Variants in MAVS observed in about 807,000 individuals in gnomAD.
MAVS encodes the protein mitochondrial antiviral-signaling protein.
In MAVS, 20 loss-of-function variants were observed where a neutral mutation model predicts 30.2. That is an observed-to-expected ratio of 0.66 (90% CI 0.47 to 0.96). MAVS has a LOEUF of 0.96. Ranked by LOEUF, MAVS falls within the 40% of genes least tolerant of loss-of-function variation. The pLI is 0.00. For missense variants in MAVS, 624 were observed against 701.1 expected (o/e 0.89, Z 1.24); for synonymous variants, 278 against 293.9 (o/e 0.95, Z 0.55).
In MAVS at chr20:3,869,270, T is replaced by C. The variant is rs2089934915; in HGVS notation, c.*3123T>C. ...TCACTGCGACCTCCACCTCCTGGGT[T>C]CAGGCCATTCTCCCGCCTCAGCCTC... On this transcript the variant is annotated 3_prime_UTR_variant, in exon 7 of 7. Coordinates refer to ENST00000428216, the MANE Select transcript of MAVS (RefSeq NM_020746.5). 1 of 152,010 alleles carries C rather than the reference T, an allele frequency of 6.6e-6. No homozygotes were observed. The allele number at this position is 152,010 out of a possible 1,614,324, so 9.4% of individuals were successfully genotyped here. A position where few individuals can be genotyped will look rare whatever the true frequency, so the allele number is the denominator to read the frequency against.
At chr20:3,859,449 A>G (rs2089844556) in intron 3 of MAVS, among the ~76,000 whole-genome samples, 1 of 150,752 alleles carries the variant, frequency 6.6e-6, no homozygotes, top group Admixed American at 6.6e-5. Context: ...TGGAGGTTGC[A>G]GTGAGCCGAG....
At chr20:3,854,891 C>CTTTTTTTTT (rs61256246) in intron 2 of MAVS, 150 bp downstream of exon 2, 6 of 304,148 alleles carry the variant, frequency 2.0e-5, no homozygotes, top group Admixed American at 6.1e-5. Flanking sequence ...TGCTGCTTTT[C>CTTTTTTTTT]TTTTTTTTTT....
At position 3,865,658 on chromosome 20, in the gene MAVS, T is replaced by A; in HGVS notation, c.1159-25T>A. 6.4e-7 allele frequency: 1 copy of A among 1,574,196 alleles called. No individual in the cohort carries two copies. On this transcript the variant is annotated intron_variant, in intron 6 of 6. Coordinates refer to ENST00000428216, the MANE Select transcript of MAVS (RefSeq NM_020746.5). The surrounding 1 kb of genome is among the most constrained non-coding windows in gnomAD (Gnocchi z 4.7). ...CGTCTCCCTGCCAACCCCAGTCCCT[T>A]CCAGTGCTCTCCTTTCTTTCCCAGG...
chr20:3,858,463 A>G (rs1212564103), intron 3 of MAVS, among the ~76,000 whole-genome samples: 1 of 151,948 alleles, frequency 6.6e-6, no homozygotes, highest in Non-Finnish European at 1.5e-5. Flanking sequence ...GCGGATCATG[A>G]GGTCAGGAGA....
Position 3,867,037 on chromosome 20 carries a change from A to G in MAVS, c.*890A>G. On this transcript the variant is annotated 3_prime_UTR_variant, in exon 7 of 7. Transcript: ENST00000428216. ...TGGGTTCTTCTGAGATTGAACCTACAGGTGTTTGCCAAGTGCCTGGCCCAG... is the reference window on the plus strand; with the variant it reads ...TGGGTTCTTCTGAGATTGAACCTACGGGTGTTTGCCAAGTGCCTGGCCCAG... 2 of 456,732 alleles carry G rather than the reference A, an allele frequency of 4.4e-6. No homozygotes were observed. The highest frequency in any genetic ancestry group is 6.5e-4 in the Middle Eastern group (2 of 3,076). 28.3% of individuals were successfully genotyped at this position (456,732 alleles called of 1,614,324 possible).
chr20:3,862,496 T>C, intron 5 of MAVS, 83 bp downstream of exon 5: 6 of 1,416,374 alleles, frequency 4.2e-6, no homozygotes, highest in Non-Finnish European at 5.7e-6. Context: ...CTGGCTTCCT[T>C]GAACAGGAGA....
At position 3,868,646 on chromosome 20, in the gene MAVS, A is replaced by G. The variant is rs1164755230; in HGVS notation, c.*2499A>G. 2.0e-5 allele frequency: 3 copies of G among 151,686 alleles called. No homozygotes were observed. Among genetic ancestry groups the G allele is most frequent in the African/African-American group, 7.3e-5 (3 of 41,350 alleles). The allele number at this position is 151,686 out of a possible 1,614,324, so 9.4% of individuals were successfully genotyped here. A position where few individuals can be genotyped will look rare whatever the true frequency, so the allele number is the denominator to read the frequency against. ...GGTATTCTGTTTCAAAAAAAAAAAA[A>G]AAGGCAGTATGTAGCCCCGAAGACT... On this transcript the variant is annotated 3_prime_UTR_variant, in exon 7 of 7. Transcript: ENST00000428216.
At chr20:3,848,829 G>A (rs2089732886) in intron 1 of MAVS, among the ~76,000 whole-genome samples, 1 of 152,070 alleles carries the variant, frequency 6.6e-6, no homozygotes, top group African/African-American at 2.4e-5. Context: ...CTGGTAAAAG[G>A]GCACCTTCCA....
Position 3,854,751 on chromosome 20 carries a change from G to C in MAVS, c.117+10G>C, listed in dbSNP as rs1179829261. 6.3e-7 allele frequency: 1 copy of C among 1,590,790 alleles called. No individual in the cohort carries two copies. Among genetic ancestry groups the C allele is most frequent in the African/African-American group, 1.3e-5 (1 of 74,574 alleles). Reference sequence around the variant, plus strand: ...CACAGCAAGAGACCAGGTGAGCAAGGGAAGTGACAGCCCGACACTGGCCTG... The same window carrying C: ...CACAGCAAGAGACCAGGTGAGCAAGCGAAGTGACAGCCCGACACTGGCCTG... On this transcript the variant is annotated intron_variant, in intron 2 of 6. Transcript: ENST00000428216.
rs2089792378 is a variant in MAVS at position 3,854,553 on chromosome 20, TC to T, written c.-67-3del. ...TGTTGTAATGTGTGATCTGTTTTCT[TC>T]CAGTCTCGTTTCCTCTCAGTCCATC... On this transcript the variant is annotated splice_polypyrimidine_tract_variant and splice_region_variant and intron_variant, in intron 1 of 6. Transcript: ENST00000428216. The T allele has an allele frequency of 1.9e-6, 2 of 1,039,472 alleles. No individual in the cohort carries two copies. The highest frequency in any genetic ancestry group is 1.6e-5 in the African/African-American group (1 of 63,076). 64.4% of individuals were successfully genotyped at this position (1,039,472 alleles called of 1,614,324 possible). A position where few individuals can be genotyped will look rare whatever the true frequency, so the allele number is the denominator to read the frequency against.
intron 3 of MAVS, among the ~76,000 whole-genome samples, chr20:3,860,099 G>C (rs1020582890): frequency 6.6e-6 from 1 of 152,136 alleles, no homozygotes; most frequent in East Asian, 1.9e-4. Flanking sequence ...TTACAGGCGT[G>C]AGCCACCAAG....
Position 3,866,186 on chromosome 20 carries a change from TC to T in MAVS, c.*41del. ...TCTTCCCACCACCCATCTGTTCCGT[TC>T]CTGCAGTACACCTGGCCCCTCTCCG... is the stretch of plus-strand genomic sequence containing the variant. On this transcript the variant is annotated 3_prime_UTR_variant, in exon 7 of 7. Transcript: ENST00000428216. 1 of 1,516,568 alleles carries T rather than the reference TC, an allele frequency of 6.6e-7. No individual in the cohort carries two copies. The highest frequency in any genetic ancestry group is 8.8e-7 in the Non-Finnish European group (1 of 1,133,074). The allele number at this position is 1,516,568 out of a possible 1,614,324, so 93.9% of individuals were successfully genotyped here.
At position 3,866,708 on chromosome 20, in the gene MAVS, C is replaced by T; in HGVS notation, c.*561C>T. 5.5e-6 allele frequency: 2 copies of T among 360,926 alleles called. No homozygotes were observed. The highest frequency in any genetic ancestry group is 1.1e-5 in the Non-Finnish European group (2 of 183,122). The allele number at this position is 360,926 out of a possible 1,614,324, so 22.4% of individuals were successfully genotyped here. ...CTTGAGTTCCTGCCCCACTGGGCCCCCTCCCCTGCTGGGCAATCCTGGGAA... is the reference window on the plus strand; with the variant it reads ...CTTGAGTTCCTGCCCCACTGGGCCCTCTCCCCTGCTGGGCAATCCTGGGAA... On this transcript the variant is annotated 3_prime_UTR_variant, in exon 7 of 7. Coordinates refer to ENST00000428216, the MANE Select transcript of MAVS (RefSeq NM_020746.5).
intron 1 of MAVS, among the ~76,000 whole-genome samples, chr20:3,851,181 A>T (rs946794525): frequency 1.1e-4 from 16 of 151,896 alleles, no homozygotes; most frequent in African/African-American, 3.6e-4. Context: ...TATAAAAATT[A>T]TCCAGGCATG....
chr20:3,859,723 C>T (rs1456245713), intron 3 of MAVS, among the ~76,000 whole-genome samples: 1 of 151,924 alleles, frequency 6.6e-6, no homozygotes, highest in Non-Finnish European at 1.5e-5. Flanking sequence ...ACTAGAGACC[C>T]ACGAGGCCCC....
intron 1 of MAVS, among the ~76,000 whole-genome samples, chr20:3,852,834 ATTTTTTTT>A (rs57163061): frequency 1.9e-5 from 2 of 107,488 alleles, no homozygotes; most frequent in African/African-American, 3.7e-5. Flanking sequence ...ATTCTGCAGA[ATTTTTTTT>A]TTTTTTTTTT....
In MAVS at chr20:3,862,346, C is replaced by T. The variant is rs1239618507; in HGVS notation, c.558C>T (p.Ala186=). ...GPLESSSDLA[A]LSPLTSSGHQ... The stretch of plus-strand genomic sequence containing the variant: ...TGGAGTCCTCCTCTGACCTGGCAGC[C>T]CTCAGCCCTCTGACCTCCAGCGGGC... Residue 186 remains alanine, a synonymous_variant, in exon 5 of 7, where the codon GCC becomes GCT. Transcript: ENST00000428216. The T allele has an allele frequency of 3.7e-6, 6 of 1,614,128 alleles. No individual in the cohort carries two copies. Among genetic ancestry groups the T allele is most frequent in the Non-Finnish European group, 4.2e-6 (5 of 1,180,028 alleles).
At chr20:3,853,256 G>A (rs2089778093) in intron 1 of MAVS, among the ~76,000 whole-genome samples, 1 of 150,700 alleles carries the variant, frequency 6.6e-6, no homozygotes. Flanking sequence ...GGAGGCCGAG[G>A]CGGGCGCATC....
Position 3,867,553 on chromosome 20 carries a change from G to A in MAVS, c.*1406G>A. Reference sequence around the variant, plus strand: ...TGAAGCTGCAGTGAGCTAGGATCGTGCCACTGCACTCCAACCTGGGTGAGA... The same window carrying A: ...TGAAGCTGCAGTGAGCTAGGATCGTACCACTGCACTCCAACCTGGGTGAGA... On this transcript the variant is annotated 3_prime_UTR_variant, in exon 7 of 7. Transcript: ENST00000428216. 1 of 157,346 alleles carries A rather than the reference G, an allele frequency of 6.4e-6. No homozygotes were observed. Among genetic ancestry groups the A allele is most frequent in the Admixed American group, 6.1e-5 (1 of 16,458 alleles). 9.7% of individuals were successfully genotyped at this position (157,346 alleles called of 1,614,324 possible). A position where few individuals can be genotyped will look rare whatever the true frequency, so the allele number is the denominator to read the frequency against.
Sources: gnomAD v4.1 joint callset for allele counts (sites outside exome capture counted in the v4.1 genomes callset) on GRCh38, gnomAD v4.1.1 for gene constraint, Gnocchi (gnomAD v3.1) non-coding constraint, MANE v1.5 for transcripts, NCBI Gene and HGNC (gene_info 2026-07-23, HGNC 2026-07-21) for gene names.